Variants in SH3BP2 observed in about 807,000 individuals in gnomAD.
SH3BP2 encodes the protein SH3 domain-binding protein 2.
A neutral mutation model predicts 56.2 loss-of-function variants in SH3BP2; 38 were observed. The observed-to-expected ratio is 0.68, with a 90% CI of 0.52 to 0.89. SH3BP2 has a LOEUF of 0.89. Ranked by LOEUF, SH3BP2 falls within the 40% of genes least tolerant of loss-of-function variation. The pLI is 0.00. For synonymous variants in SH3BP2, 346 were observed against 316.7 expected (o/e 1.09, Z -0.98); for missense variants, 748 against 762.6 (o/e 0.98, Z 0.23).
rs377729730 is a variant in SH3BP2, at chr4:2,820,757, AGTCCCTGGGGTG to A, written c.136+7_136+18del. 14 of 1,612,764 alleles carry A rather than the reference AGTCCCTGGGGTG, an allele frequency of 8.7e-6. No homozygotes were observed. The African/African-American group carries it at 1.6e-4, about 18-fold the overall frequency. On this transcript the variant is annotated splice_donor_5th_base_variant and intron_variant, in intron 2 of 12. Transcript: ENST00000503393. Reference sequence around the variant, plus strand: ...ACCCAGCTGCAGCTGCTGAAATGTGAGTCCCTGGGGTGGTAGGGTGCACAGTAGGAGGGCATG... The same window carrying A: ...ACCCAGCTGCAGCTGCTGAAATGTGAGTAGGGTGCACAGTAGGAGGGCATG...
chr4:2,820,233 T>C (rs1724226134), intron 1 of SH3BP2, among the ~76,000 whole-genome samples: 1 of 152,214 alleles, frequency 6.6e-6, no homozygotes, highest in Non-Finnish European at 1.5e-5. Flanking sequence ...CTTGAAGTAG[T>C]TATGGCCTGA....
intron 1 of SH3BP2, among the ~76,000 whole-genome samples, chr4:2,811,248 G>T (rs561275337): frequency 6.6e-5 from 10 of 152,222 alleles, no homozygotes; most frequent in African/African-American, 2.4e-4. Context: ...CTGCACAGCC[G>T]GTTACGGGGC....
intron 12 of SH3BP2, 34 bp downstream of exon 12, chr4:2,833,083 C>T: frequency 6.2e-7 from 1 of 1,602,504 alleles, no homozygotes; most frequent in Non-Finnish European, 8.6e-7. Context: ...GGGACCCTGG[C>T]CGCATGGCCT....
intron 11 of SH3BP2, 33 bp from the exon 12 acceptor site, chr4:2,832,955 CAG>C (rs1329969110): frequency 6.2e-7 from 1 of 1,609,076 alleles, no homozygotes; most frequent in Non-Finnish European, 8.5e-7. Flanking sequence ...CGCTGTTTCT[CAG>C]GGAGCCGTCA....
intron 8 of SH3BP2, 26 bp downstream of exon 8, chr4:2,830,173 C>G: frequency 6.3e-7 from 1 of 1,590,302 alleles, no homozygotes; most frequent in Non-Finnish European, 8.5e-7. Flanking sequence ...GGCTGCAAGC[C>G]CTGCCTCCAG....
chr4:2,836,632 CGTT>C lies in SH3BP2; in HGVS notation c.*2801_*2803del, dbSNP rs1725242604. ...GCCACCCCTCACGACCTCTGATGGTCGTTGTGGGGGTCTCTTGCCTGGCTCCCA... is the reference window on the plus strand; with the variant it reads ...GCCACCCCTCACGACCTCTGATGGTCGTGGGGGTCTCTTGCCTGGCTCCCA... On this transcript the variant is annotated 3_prime_UTR_variant, in exon 13 of 13. Transcript: ENST00000503393. The C allele has an allele frequency of 2.0e-5, 3 of 152,458 alleles. No individual in the cohort carries two copies. The highest frequency in any genetic ancestry group is 7.2e-5 in the African/African-American group (3 of 41,590). The allele number at this position is 152,458 out of a possible 1,614,324, so 9.4% of individuals were successfully genotyped here. A position where few individuals can be genotyped will look rare whatever the true frequency, so the allele number is the denominator to read the frequency against.
At position 2,825,114 on chromosome 4, in the gene SH3BP2, G is replaced by A. The variant is rs758622287; in HGVS notation, c.358-12G>A. On this transcript the variant is annotated splice_polypyrimidine_tract_variant and intron_variant, in intron 4 of 12. Coordinates refer to ENST00000503393, the MANE Select transcript of SH3BP2 (RefSeq NM_001122681.2). ...GTGGCACCGTGCCCACCACAGCCCC[G>A]CTGACCTGCAGAGCTGGATGGCCTT... 8.9e-6 allele frequency: 14 copies of A among 1,564,408 alleles called. No individual in the cohort carries two copies. Among genetic ancestry groups the A allele is most frequent in the Admixed American group, 1.9e-5 (1 of 52,994 alleles).
At position 2,840,436 on chromosome 4, in the gene SH3BP2, T is replaced by G. The variant is rs1725383617; in HGVS notation, c.*6602T>G. On this transcript the variant is annotated 3_prime_UTR_variant, in exon 13 of 13. Transcript: ENST00000503393. ...TTTTCTCTCCATAGGGTTACACACC[T>G]GTCCTATCATTGTTTGTAATCTAAC... 1 of 152,126 alleles carries G rather than the reference T, an allele frequency of 6.6e-6. No homozygotes were observed. Among genetic ancestry groups the G allele is most frequent in the Non-Finnish European group, 1.5e-5 (1 of 68,024 alleles). 9.4% of individuals were successfully genotyped at this position (152,126 alleles called of 1,614,324 possible). A position where few individuals can be genotyped will look rare whatever the true frequency, so the allele number is the denominator to read the frequency against.
At chr4:2,805,194 A>G (rs1239071742) in intron 1 of SH3BP2, among the ~76,000 whole-genome samples, 1 of 152,158 alleles carries the variant, frequency 6.6e-6, no homozygotes, top group Non-Finnish European at 1.5e-5. Context: ...TTCCTACCTA[A>G]GCACACCCCC....
intron 8 of SH3BP2, among the ~76,000 whole-genome samples, chr4:2,830,639 G>A (rs751387937): frequency 1.3e-5 from 2 of 152,288 alleles, no homozygotes; most frequent in Non-Finnish European, 2.9e-5. Context: ...TAGAGATTAC[G>A]GGCGTGAGCC....
At chr4:2,818,406 C>T (rs1249151453) in intron 1 of SH3BP2, 1 of 1,166,866 alleles carries the variant, frequency 8.6e-7, no homozygotes, top group Non-Finnish European at 1.1e-6. Flanking sequence ...TACCGAGCCC[C>T]GGCCCCCGAG....
In SH3BP2 at chr4:2,827,687, G is replaced by C. The variant is rs1724749086; in HGVS notation, c.586+13G>C. The C allele has an allele frequency of 3.2e-6, 5 of 1,551,086 alleles. No individual in the cohort carries two copies. The East Asian group carries it at 1.2e-4, about 37-fold the overall frequency. On this transcript the variant is annotated intron_variant, in intron 7 of 12. Transcript: ENST00000503393. Reference sequence around the variant, plus strand: ...GGAAGGCTTGAGGGTAGGTGGGGCGGGTGGGCCCGGGGAGCTCTGGGTGTG... The same window carrying C: ...GGAAGGCTTGAGGGTAGGTGGGGCGCGTGGGCCCGGGGAGCTCTGGGTGTG...
intron 2 of SH3BP2, among the ~76,000 whole-genome samples, chr4:2,822,090 A>G (rs1361652542): frequency 6.6e-6 from 1 of 150,768 alleles, no homozygotes. Flanking sequence ...CTGGTCTCGA[A>G]CTCCTGACTT....
rs745515987 is a variant in SH3BP2 at position 2,820,698 on chromosome 4, G to A, written c.81G>A (p.Val27=). Residue 27 remains valine (V), a synonymous_variant, in exon 2 of 13, where the codon GTG becomes GTA. Coordinates refer to ENST00000503393, the MANE Select transcript of SH3BP2 (RefSeq NM_001122681.2). ...ACCTGCTAACCATGCCTGGGGGCGT[G>A]GCCAAGGCTGGCTACCTGCACAAGA... The part of the protein sequence containing the change: ...AQNLLTMPGG[V]AKAGYLHKKG... 7.8e-5 allele frequency: 126 copies of A among 1,614,018 alleles called. No individual in the cohort carries two copies. The highest frequency in any genetic ancestry group is 2.0e-4 in the Admixed American group (12 of 60,004).
In SH3BP2 at chr4:2,827,323, G is replaced by A. The variant is rs367984149; in HGVS notation, c.517+5G>A. ...CGTACCCCACGGACAATGAAGGTGA[G>A]GTCTTTCTCCGCATCCACTGCCCGT... On this transcript the variant is annotated splice_donor_5th_base_variant and intron_variant, in intron 6 of 12. Transcript: ENST00000503393. 4.6e-5 allele frequency: 74 copies of A among 1,613,244 alleles called. No homozygotes were observed. The highest frequency in any genetic ancestry group is 6.2e-5 in the Non-Finnish European group (73 of 1,179,266).
In SH3BP2 at chr4:2,827,218, C is replaced by A; in HGVS notation, c.429-12C>A. 1 of 1,613,004 alleles carries A rather than the reference C, an allele frequency of 6.2e-7. No homozygotes were observed. Among genetic ancestry groups the A allele is most frequent in the Non-Finnish European group, 8.5e-7 (1 of 1,179,198 alleles). Reference sequence around the variant, plus strand: ...GTGCTCACCGTCCGCCCCAACGCACCCTGCATTGCAGCGACTCCAGCTCGG... The same window carrying A: ...GTGCTCACCGTCCGCCCCAACGCACACTGCATTGCAGCGACTCCAGCTCGG... On this transcript the variant is annotated splice_polypyrimidine_tract_variant and intron_variant, in intron 5 of 12. Coordinates refer to ENST00000503393, the MANE Select transcript of SH3BP2 (RefSeq NM_001122681.2).
At chr4:2,796,424 C>T (rs1345276088) in intron 1 of SH3BP2, 6 of 985,330 alleles carry the variant, frequency 6.1e-6, no homozygotes, top group African/African-American at 3.5e-5. Flanking sequence ...CTTGGTTTCC[C>T]GGCCCCCGAT....
chr4:2,797,187 TA>T (rs1723094393), intron 1 of SH3BP2, among the ~76,000 whole-genome samples: 1 of 152,114 alleles, frequency 6.6e-6, no homozygotes, highest in African/African-American at 2.4e-5. Flanking sequence ...GAGCTAGGCA[TA>T]GGGGTGGGCC....
chr4:2,793,914 G>A (rs928069329), intron 1 of SH3BP2, among the ~76,000 whole-genome samples: 3 of 152,170 alleles, frequency 2.0e-5, no homozygotes, highest in Admixed American at 6.5e-5. Flanking sequence ...TCTGGGCCTC[G>A]GCTCCCTGGG....
Sources: gnomAD v4.1 joint callset for allele counts (sites outside exome capture counted in the v4.1 genomes callset) on GRCh38, gnomAD v4.1.1 for gene constraint, MANE v1.5 for transcripts, NCBI Gene and HGNC (gene_info 2026-07-23, HGNC 2026-07-21) for gene names.